PARD3B: variants seen among roughly 807,000 people sequenced by gnomAD.
PARD3B encodes par-3 family cell polarity regulator beta.
A neutral mutation model predicts 130.2 loss-of-function variants in PARD3B; 103 were observed. The ratio of observed to expected loss-of-function variants is 0.79; its 90% CI spans 0.67 to 0.93. The LOEUF is 0.93. Ranked by LOEUF, PARD3B falls within the 40% of genes least tolerant of loss-of-function variation. PARD3B has a pLI of 0.00. For synonymous variants in PARD3B, 583 were observed against 553.2 expected, an observed-to-expected ratio of 1.05 and a Z score of -0.76; for missense variants, 1,609 against 1,499.2, an observed-to-expected ratio of 1.07 and a Z score of -1.21.
chr2:204,563,257 C>CTT (rs969675385), intron 1 of PARD3B, among the ~76,000 whole-genome samples: 12 of 142,772 alleles, frequency 8.4e-5, no homozygotes, highest in African/African-American at 3.2e-4. Context: ...CTCTCTCTCT[C>CTT]TCTCTCTCTT....
intron 22 of PARD3B, among the ~76,000 whole-genome samples, chr2:205,607,907 T>C (rs991438079): frequency 1.3e-5 from 2 of 151,056 alleles, no homozygotes; most frequent in African/African-American, 4.9e-5. Flanking sequence ...AGTGTTTAAG[T>C]CTCCTTCGTT....
chr2:204,994,528 G>A (rs1693976501), intron 3 of PARD3B, among the ~76,000 whole-genome samples: 1 of 139,168 alleles, frequency 7.2e-6, no homozygotes, highest in Non-Finnish European at 1.6e-5. Context: ...AATAGGTGTG[G>A]TGTGGTGCTG....
chr2:204,773,880 C>G (rs755086386), intron 2 of PARD3B, among the ~76,000 whole-genome samples: 3 of 152,052 alleles, frequency 2.0e-5, no homozygotes, highest in Non-Finnish European at 4.4e-5. Flanking sequence ...TGCTCAGAAC[C>G]ATTTAATGAT....
Position 205,294,747 on chromosome 2 carries a change from C to G in PARD3B, c.2186-5783C>G, listed in dbSNP as rs115505577. On this transcript the variant is annotated intron_variant, in intron 16 of 22. Coordinates refer to ENST00000406610, the MANE Select transcript of PARD3B (RefSeq NM_001302769.2). Reference sequence around the variant, plus strand: ...ATAAAAGACCCTGGGATTTGTGAGACTTAAAAGAAAAATTCCACTCTTGGA... The same window carrying G: ...ATAAAAGACCCTGGGATTTGTGAGAGTTAAAAGAAAAATTCCACTCTTGGA... Among the ~76,000 whole-genome samples the G allele has an allele frequency of 9.1e-3, 1,390 of 152,154 alleles. 18 individuals are homozygous for G. Among genetic ancestry groups the G allele is most frequent in the African/African-American group, 0.032 (1,329 of 41,508 alleles).
intron 18 of PARD3B, among the ~76,000 whole-genome samples, chr2:205,302,612 T>C (rs1309574460): frequency 1.3e-5 from 2 of 152,218 alleles, no homozygotes; most frequent in Non-Finnish European, 2.9e-5. Context: ...GGAAGCCCTA[T>C]GTGTTACCTC....
intron 1 of PARD3B, among the ~76,000 whole-genome samples, chr2:204,568,586 T>C (rs1239184580): frequency 6.6e-6 from 1 of 152,222 alleles, no homozygotes; most frequent in East Asian, 1.9e-4. Context: ...ATTACAACAC[T>C]TATTTAAAAT....
chr2:205,478,883 C>T (rs1332090361), intron 20 of PARD3B, among the ~76,000 whole-genome samples: 1 of 152,126 alleles, frequency 6.6e-6, no homozygotes, highest in Non-Finnish European at 1.5e-5. Flanking sequence ...TTTCAGCACA[C>T]ATATATTCCA....
chr2:204,636,073 G>A (rs1480932257), intron 1 of PARD3B, among the ~76,000 whole-genome samples: 4 of 151,878 alleles, frequency 2.6e-5, no homozygotes, highest in African/African-American at 9.7e-5. Flanking sequence ...ATATTTGTTT[G>A]GCTTAAATAT....
chr2:204,751,208 T>C (rs1414443982), intron 2 of PARD3B, among the ~76,000 whole-genome samples: 1 of 152,174 alleles, frequency 6.6e-6, no homozygotes, highest in Non-Finnish European at 1.5e-5. Flanking sequence ...CTAATCAACG[T>C]TGCAGAAGTT....
chr2:204,655,666 G>A (rs1011633004), intron 1 of PARD3B, among the ~76,000 whole-genome samples: 5 of 152,260 alleles, frequency 3.3e-5, no homozygotes, highest in South Asian at 2.1e-4. Context: ...TGTGATAAGC[G>A]CTAGCTGTGT....
In PARD3B at chr2:205,470,146, C is replaced by T. The variant is rs1044776396; in HGVS notation, c.3044+29474C>T. 6.6e-6 allele frequency among the ~76,000 whole-genome samples: 1 copy of T among 152,092 alleles called. No homozygotes were observed. The highest frequency in any genetic ancestry group is 2.4e-5 in the African/African-American group (1 of 41,422). ...ACTAAGTGATCTCAGCATTTTTTTTCCAGTTCCAAAATTATATGGTTCTGC... is the reference window on the plus strand; with the variant it reads ...ACTAAGTGATCTCAGCATTTTTTTTTCAGTTCCAAAATTATATGGTTCTGC... On this transcript the variant is annotated intron_variant, in intron 20 of 22. Transcript: ENST00000406610. The surrounding 1 kb of genome is among the most constrained non-coding windows in gnomAD (Gnocchi z 4.8).
chr2:205,508,986 G>A (rs1174239602), intron 21 of PARD3B, among the ~76,000 whole-genome samples: 2 of 150,752 alleles, frequency 1.3e-5, no homozygotes, highest in Non-Finnish European at 3.0e-5. Flanking sequence ...TTGGTTAGTG[G>A]CTTTGGCCCT....
At chr2:204,813,767 T>A (rs548572697) in intron 2 of PARD3B, among the ~76,000 whole-genome samples, 2 of 152,268 alleles carry the variant, frequency 1.3e-5, no homozygotes, top group South Asian at 4.1e-4. Context: ...CAAAAGAGAC[T>A]ATTCTTTCTA....
At chr2:204,661,411 C>T (rs957924925) in intron 1 of PARD3B, among the ~76,000 whole-genome samples, 3 of 152,150 alleles carry the variant, frequency 2.0e-5, no homozygotes, top group African/African-American at 7.2e-5. Context: ...CCCCGAGATG[C>T]AACTTACTTT....
chr2:204,858,655 G>C (rs901570072), intron 2 of PARD3B, among the ~76,000 whole-genome samples: 10 of 150,954 alleles, frequency 6.6e-5, no homozygotes, highest in Admixed American at 5.3e-4. Context: ...TAAATGAATA[G>C]ATTATAGCTG....
intron 16 of PARD3B, among the ~76,000 whole-genome samples, chr2:205,259,866 A>T (rs1386103502): frequency 1.3e-5 from 2 of 152,190 alleles, no homozygotes; most frequent in Non-Finnish European, 2.9e-5. Flanking sequence ...TTGCATATAC[A>T]TAATGAGATA....
intron 3 of PARD3B, among the ~76,000 whole-genome samples, chr2:205,010,957 C>T (rs578152854): frequency 6.6e-6 from 1 of 152,172 alleles, no homozygotes; most frequent in South Asian, 2.1e-4. Context: ...TAAAGGGTTT[C>T]CTCATTTATC....
chr2:205,044,145 T>C (rs1698592266), intron 3 of PARD3B, among the ~76,000 whole-genome samples: 1 of 152,154 alleles, frequency 6.6e-6, no homozygotes, highest in Non-Finnish European at 1.5e-5. Context: ...CTCATCATTT[T>C]TATGGCTGCA....
chr2:205,436,079 T>A (rs1396641712), intron 19 of PARD3B, among the ~76,000 whole-genome samples: 1 of 152,214 alleles, frequency 6.6e-6, no homozygotes. Flanking sequence ...CTAGGTTTCC[T>A]CATTTGGCAG....
Sources: allele counts gnomAD v4.1 joint callset (sites outside exome capture counted in the v4.1 genomes callset), GRCh38; gene constraint gnomAD v4.1.1; non-coding constraint Gnocchi (gnomAD v3.1); transcripts MANE v1.5; gene names NCBI Gene and HGNC (gene_info 2026-07-23, HGNC 2026-07-21).